The following MED13L variants were observed in gnomAD, a reference collection of about 807,000 sequenced individuals.
MED13L encodes the protein mediator complex subunit 13L.
MED13L carries 7 observed loss-of-function variants against 220.9 expected under a neutral mutation model. The observed-to-expected ratio is 0.03, with a 90% CI of 0.02 to 0.06. The LOEUF is 0.06. Ranked by LOEUF, MED13L falls within the 10% of genes least tolerant of loss-of-function variation. The pLI is 1.00. For missense variants in MED13L, 1,965 were observed against 2,760.5 expected (o/e 0.71, Z 6.46); for synonymous variants, 1,011 against 1,015.2 (o/e 1.00, Z 0.08).
intron 4 of MED13L, among the ~76,000 whole-genome samples, chr12:116,030,125 G>A (rs751911354): frequency 1.3e-5 from 2 of 152,056 alleles, no homozygotes; most frequent in Non-Finnish European, 2.9e-5. Flanking sequence ...GCGCCGCTAC[G>A]CCCAGCTAAT....
chr12:116,066,819 C>A (rs547130144), intron 4 of MED13L, among the ~76,000 whole-genome samples: 1 of 151,522 alleles, frequency 6.6e-6, no homozygotes, highest in South Asian at 2.1e-4. Flanking sequence ...CAACAGAGGG[C>A]GAAAGCGGTC....
chr12:116,131,721 G>A (rs893469045), intron 2 of MED13L, among the ~76,000 whole-genome samples: 10 of 152,228 alleles, frequency 6.6e-5, no homozygotes, highest in Non-Finnish European at 2.9e-5. Flanking sequence ...GGGCACACCT[G>A]TAATCCCAGC....
At chr12:116,050,098 T>G (rs1332297706) in intron 4 of MED13L, among the ~76,000 whole-genome samples, 1 of 152,188 alleles carries the variant, frequency 6.6e-6, no homozygotes, top group African/African-American at 2.4e-5. Flanking sequence ...CCTGTTAAAA[T>G]GTTCTGTTAA....
Position 116,111,527 on chromosome 12 carries a change from AAAAAAG to A in MED13L, c.311-21_311-16del. On this transcript the variant is annotated splice_polypyrimidine_tract_variant and intron_variant, in intron 2 of 30. Transcript: ENST00000281928. The stretch of plus-strand genomic sequence containing the variant: ...TTCTTCCACAACTGAAAAAAAAAAG[AAAAAAG>A]AAAAAAAAAGAACCAGTAAAAAGGA... 1 of 1,558,364 alleles carries A rather than the reference AAAAAAG, an allele frequency of 6.4e-7. No individual in the cohort carries two copies.
chr12:116,273,844 GAAA>G (rs907063939), intron 1 of MED13L, among the ~76,000 whole-genome samples: 1 of 152,176 alleles, frequency 6.6e-6, no homozygotes, highest in African/African-American at 2.4e-5. Context: ...ACTCAATAGA[GAAA>G]AATAAATGTC....
chr12:116,238,749 A>G (rs1444245617), intron 1 of MED13L, among the ~76,000 whole-genome samples: 1 of 152,216 alleles, frequency 6.6e-6, no homozygotes, highest in African/African-American at 2.4e-5. Context: ...AATCACTATA[A>G]TGACCACATT....
chr12:115,967,639 A>T (rs1876273700), intron 28 of MED13L, among the ~76,000 whole-genome samples: 1 of 152,192 alleles, frequency 6.6e-6, no homozygotes, highest in Admixed American at 6.5e-5. Flanking sequence ...AGATAAGGTA[A>T]CTCAGGCTAA....
In MED13L at chr12:116,008,678, T is replaced by A. The variant is rs776966371; in HGVS notation, c.1735A>T (p.Asn579Tyr). The A allele has an allele frequency of 1.2e-6, 2 of 1,614,032 alleles. No individual in the cohort carries two copies. Among genetic ancestry groups the A allele is most frequent in the Non-Finnish European group, 1.7e-6 (2 of 1,179,994 alleles). ...ESLDPPSVPVNPALYGNGLEL... is the reference protein window; with the variant it reads ...ESLDPPSVPVYPALYGNGLEL... Reference sequence around the variant, plus strand: ...AGTCCATTTCCATAAAGGGCTGGATTCACAGGGACCGATGGTGGGTCCAAA... The same window carrying A: ...AGTCCATTTCCATAAAGGGCTGGATACACAGGGACCGATGGTGGGTCCAAA... Residue 579 changes from asparagine to tyrosine, a missense_variant, in exon 10 of 31, where the codon AAT (asparagine) becomes TAT (tyrosine). This residue lies in a region of MED13L where 818 missense variants were observed against 1,041.2 expected (regional missense o/e 0.79). Coordinates refer to ENST00000281928, the MANE Select transcript of MED13L (RefSeq NM_015335.5).
intron 2 of MED13L, among the ~76,000 whole-genome samples, chr12:116,190,325 G>C (rs928097398): frequency 9.9e-5 from 15 of 152,128 alleles, no homozygotes; most frequent in African/African-American, 3.4e-4. Context: ...GTGTTTGATG[G>C]ATTGTTATGG....
intron 4 of MED13L, among the ~76,000 whole-genome samples, chr12:116,042,454 G>A (rs1229282120): frequency 1.3e-5 from 2 of 152,210 alleles, no homozygotes; most frequent in Admixed American, 6.5e-5. Context: ...TTACTCAGAA[G>A]CAGATAGAAT....
intron 2 of MED13L, among the ~76,000 whole-genome samples, chr12:116,209,868 T>C (rs572625884): frequency 6.6e-6 from 1 of 152,320 alleles, no homozygotes; most frequent in Admixed American, 6.5e-5. Context: ...TTCCAAGCGG[T>C]CCTAACCTAG....
At chr12:116,038,812 A>G (rs891049861) in intron 4 of MED13L, among the ~76,000 whole-genome samples, 17 of 147,992 alleles carry the variant, frequency 1.1e-4, no homozygotes, top group Non-Finnish European at 1.9e-4. Context: ...CTAGGTATGC[A>G]GCCTTTCTTA....
At chr12:116,118,905 T>C (rs1041824082) in intron 2 of MED13L, among the ~76,000 whole-genome samples, 1 of 152,190 alleles carries the variant, frequency 6.6e-6, no homozygotes, top group Non-Finnish European at 1.5e-5. Context: ...ATAAAATGTC[T>C]TAAATTTTAA....
chr12:116,144,286 A>G (rs1288613693), intron 2 of MED13L, among the ~76,000 whole-genome samples: 1 of 152,218 alleles, frequency 6.6e-6, no homozygotes, highest in Non-Finnish European at 1.5e-5. Context: ...ATGAGAAGTA[A>G]GGGTGGTGCC....
intron 3 of MED13L, among the ~76,000 whole-genome samples, chr12:116,107,054 T>C (rs908234972): frequency 6.6e-6 from 1 of 152,134 alleles, no homozygotes; most frequent in Non-Finnish European, 1.5e-5. Flanking sequence ...CCCTTCACCA[T>C]GTTACTGGTG....
chr12:116,239,105 G>C (rs1171160746), intron 1 of MED13L, among the ~76,000 whole-genome samples: 1 of 152,036 alleles, frequency 6.6e-6, no homozygotes, highest in Non-Finnish European at 1.5e-5. Flanking sequence ...CAGGGTGACA[G>C]AGTGAGACTC....
intron 2 of MED13L, among the ~76,000 whole-genome samples, chr12:116,211,603 G>C (rs560492429): frequency 8.0e-4 from 122 of 152,060 alleles, no homozygotes; most frequent in African/African-American, 2.9e-3. Context: ...TATACTTTAG[G>C]GCAGCTGAAT....
chr12:116,249,191 A>G (rs1418075389), intron 1 of MED13L, among the ~76,000 whole-genome samples: 6 of 152,250 alleles, frequency 3.9e-5, no homozygotes, highest in Non-Finnish European at 7.3e-5. Flanking sequence ...GAACAGCCAG[A>G]GAGAAAAAAC....
At chr12:115,979,756 T>A (rs1165387826) in intron 23 of MED13L, among the ~76,000 whole-genome samples, 1 of 152,244 alleles carries the variant, frequency 6.6e-6, no homozygotes, top group Non-Finnish European at 1.5e-5. Context: ...TGGGATACTT[T>A]TCATGCAATA....
Sources: allele counts gnomAD v4.1 joint callset (sites outside exome capture counted in the v4.1 genomes callset), GRCh38; gene constraint gnomAD v4.1.1; regional missense constraint gnomAD v4.1.1; transcripts MANE v1.5; gene names NCBI Gene and HGNC (gene_info 2026-07-23, HGNC 2026-07-21).